EPHA6: variants seen among roughly 807,000 people sequenced by gnomAD.
EPHA6 encodes the protein ephrin type-A receptor 6.
Under a neutral mutation model 112.0 loss-of-function variants are expected in EPHA6, and 50 were observed. The observed-to-expected ratio is 0.45, with a 90% CI of 0.36 to 0.56. The LOEUF is 0.56. Ranked by LOEUF, EPHA6 falls within the 20% of genes least tolerant of loss-of-function variation. The pLI is 0.00. For synonymous variants in EPHA6, 529 were observed against 490.7 expected, an observed-to-expected ratio of 1.08 and a Z score of -1.03; for missense variants, 1,280 against 1,417.4, an observed-to-expected ratio of 0.90 and a Z score of 1.56.
At chr3:96,930,097 A>G (rs1055505021) in intron 2 of EPHA6, among the ~76,000 whole-genome samples, 2 of 152,138 alleles carry the variant, frequency 1.3e-5, no homozygotes, top group East Asian at 3.9e-4. Flanking sequence ...TAAATTGGCT[A>G]TTTTGGTTGT....
chr3:97,005,864 A>G (rs1001361063), intron 3 of EPHA6, among the ~76,000 whole-genome samples: 4 of 152,184 alleles, frequency 2.6e-5, no homozygotes, highest in African/African-American at 4.8e-5. Flanking sequence ...TTCTGCATCT[A>G]TTGAGATAAT....
chr3:97,611,094 GTA>G (rs1255311015), intron 13 of EPHA6, among the ~76,000 whole-genome samples: 2 of 151,666 alleles, frequency 1.3e-5, no homozygotes, highest in African/African-American at 2.4e-5. Flanking sequence ...ATATGTGTGT[GTA>G]TATATATGTG....
intron 5 of EPHA6, among the ~76,000 whole-genome samples, chr3:97,351,284 A>C (rs376683505): frequency 1.1e-4 from 16 of 152,194 alleles, no homozygotes; most frequent in African/African-American, 3.6e-4. Context: ...GCCAACCTTC[A>C]ACTCAGAAGT....
At chr3:96,992,689 T>C (rs1423911609) in intron 3 of EPHA6, among the ~76,000 whole-genome samples, 1 of 152,236 alleles carries the variant, frequency 6.6e-6, no homozygotes, top group Admixed American at 6.5e-5. Flanking sequence ...TTTGACCTTG[T>C]CCTGTTCTTT....
chr3:97,012,150 G>T (rs2044108694), intron 3 of EPHA6, among the ~76,000 whole-genome samples: 8 of 152,184 alleles, frequency 5.3e-5, no homozygotes, highest in Admixed American at 5.2e-4. Context: ...TAGAGTGATT[G>T]ATTTAAAAAT....
chr3:97,329,736 G>C (rs1411572647), intron 5 of EPHA6, among the ~76,000 whole-genome samples: 6 of 152,122 alleles, frequency 3.9e-5, no homozygotes, highest in Non-Finnish European at 8.8e-5. Context: ...CAGATGGGTA[G>C]ATTGCAAAAA....
chr3:97,134,980 C>T (rs1295649016), intron 3 of EPHA6, among the ~76,000 whole-genome samples: 1 of 152,060 alleles, frequency 6.6e-6, no homozygotes, highest in African/African-American at 2.4e-5. Context: ...TTCAGAGGAT[C>T]TGTCTTTAGG....
At chr3:97,544,429 C>A (rs914793858) in intron 11 of EPHA6, among the ~76,000 whole-genome samples, 1 of 152,154 alleles carries the variant, frequency 6.6e-6, no homozygotes, top group Non-Finnish European at 1.5e-5. Context: ...GCCTTGCATC[C>A]CACGGATGAA....
At chr3:97,244,479 T>C (rs1198170943) in intron 5 of EPHA6, 192 bp downstream of exon 5, 1 of 569,434 alleles carries the variant, frequency 1.8e-6, no homozygotes, top group Non-Finnish European at 3.1e-6. Context: ...TTCTCAGCAG[T>C]ATGAATAATA....
chr3:97,085,939 A>ATATATATATG (rs1229000521), intron 3 of EPHA6, among the ~76,000 whole-genome samples: 1 of 144,556 alleles, frequency 6.9e-6, no homozygotes, highest in Non-Finnish European at 1.5e-5. Context: ...ATATATATAT[A>ATATATATATG]TATATATATA....
At chr3:97,189,459 AT>A (rs990578883) in intron 3 of EPHA6, among the ~76,000 whole-genome samples, 3 of 152,082 alleles carry the variant, frequency 2.0e-5, no homozygotes, top group Middle Eastern at 3.4e-3. Flanking sequence ...AGCCTACTGT[AT>A]TTTTTTGTCA....
chr3:97,541,045 C>G (rs2092841636), intron 11 of EPHA6, among the ~76,000 whole-genome samples: 1 of 152,102 alleles, frequency 6.6e-6, no homozygotes, highest in Admixed American at 6.5e-5. Flanking sequence ...TTCTAATGGT[C>G]TTATGTAGGG....
chr3:97,663,934 A>G (rs2094187944), intron 14 of EPHA6, among the ~76,000 whole-genome samples: 1 of 152,164 alleles, frequency 6.6e-6, no homozygotes, highest in Non-Finnish European at 1.5e-5. Context: ...TGGTTGAACT[A>G]GTTTACAGTT....
chr3:97,206,540 T>A (rs973117942), intron 3 of EPHA6, among the ~76,000 whole-genome samples: 3 of 152,102 alleles, frequency 2.0e-5, no homozygotes, highest in Non-Finnish European at 1.5e-5. Flanking sequence ...CTTCTCATTC[T>A]ACCTTTCCAT....
chr3:97,747,500 TG>T lies in EPHA6; in HGVS notation c.3210del (p.Gln1071AsnfsTer16). On this transcript the variant is annotated frameshift_variant, in exon 17 of 18. Transcript: ENST00000389672. LOFTEE classifies it high-confidence loss of function. The stretch of plus-strand genomic sequence containing the variant: ...GGTGACTGGCTAGATTCTATAAAGA[TG>T]GGGCAATACAAGAATAACTTCGTGG... ...TVGDWLDSIK[M>X]GQYKNNFVAA... 6.2e-7 allele frequency: 1 copy of T among 1,610,702 alleles called. No homozygotes were observed. Among genetic ancestry groups the T allele is most frequent in the Non-Finnish European group, 8.5e-7 (1 of 1,178,210 alleles).
chr3:97,058,087 A>G (rs9875965), intron 3 of EPHA6, among the ~76,000 whole-genome samples: 32,888 of 152,050 alleles, frequency 0.22, 3,771 homozygotes, highest in African/African-American at 0.26. Flanking sequence ...AGACCATTGC[A>G]GAGAGAAATA....
At chr3:97,705,296 A>G (rs2033616682) in intron 14 of EPHA6, among the ~76,000 whole-genome samples, 1 of 151,634 alleles carries the variant, frequency 6.6e-6, no homozygotes. Context: ...CACCTCTTTC[A>G]TTCATCTAAC....
chr3:97,748,623 C>T lies in EPHA6; in HGVS notation c.3315C>T (p.His1105=), dbSNP rs2035813249. 1 of 1,611,570 alleles carries T rather than the reference C, an allele frequency of 6.2e-7. No homozygotes were observed. Among genetic ancestry groups the T allele is most frequent in the Non-Finnish European group, 8.5e-7 (1 of 1,178,066 alleles). The change falls in exon 18 of 18, where the codon CAC becomes CAT. Residue 1105 remains histidine (H), a synonymous_variant. Coordinates refer to ENST00000389672, the MANE Select transcript of EPHA6 (RefSeq NM_001080448.3). Reference sequence around the variant, plus strand: ...GAATTGGAGTCATACTTATTGGACACCAGAGACGAATAGTCAGCAGCATAC... The same window carrying T: ...GAATTGGAGTCATACTTATTGGACATCAGAGACGAATAGTCAGCAGCATAC... The part of the protein sequence containing the change: ...IRRIGVILIG[H]QRRIVSSIQT...
intron 2 of EPHA6, among the ~76,000 whole-genome samples, chr3:96,930,673 G>T (rs78954520): frequency 0.029 from 4,445 of 152,156 alleles, 208 homozygotes; most frequent in African/African-American, 0.1. Context: ...CCAGTCAAGG[G>T]GAACAGGGTC....
Sources: gnomAD v4.1 joint callset for allele counts (sites outside exome capture counted in the v4.1 genomes callset) on GRCh38, gnomAD v4.1.1 for gene constraint, MANE v1.5 for transcripts, NCBI Gene and HGNC (gene_info 2026-07-23, HGNC 2026-07-21) for gene names.